The following ZNF536 variants were observed in gnomAD, a reference collection of about 807,000 sequenced individuals.
The protein encoded by ZNF536 is zinc finger protein 536.
ZNF536 carries 13 observed loss-of-function variants against 84.5 expected under a neutral mutation model. The observed-to-expected ratio is 0.15, with a 90% CI of 0.10 to 0.24. The LOEUF (loss-of-function observed/expected upper bound fraction) is 0.24, where lower values mean the gene tolerates loss of function less well. ZNF536 is among the 10% of genes least tolerant of loss of function. The probability of loss-of-function intolerance (pLI) is 1.00; values close to 1 mark genes in which losing one functional copy is unlikely to be tolerated. For synonymous variants in ZNF536, 811 were observed against 742.5 expected (o/e 1.09, Z -1.50); for missense variants, 1,536 against 1,747.5 (o/e 0.88, Z 2.16).
intron 1 of ZNF536, among the ~76,000 whole-genome samples, chr19:30,616,453 T>A (rs955031283): frequency 7.2e-5 from 11 of 152,240 alleles, no homozygotes; most frequent in African/African-American, 2.7e-4. Context: ...AAATAGTGAA[T>A]CATATTAATA....
chr19:30,508,824 T>C (rs796636812), intron 2 of ZNF536, among the ~76,000 whole-genome samples: 18 of 125,026 alleles, frequency 1.4e-4, no homozygotes, highest in East Asian at 4.3e-4. Flanking sequence ...TTCTTTCTTT[T>C]TTTTTTTTTT....
At chr19:30,629,354 C>T (rs35950993) in intron 1 of ZNF536, among the ~76,000 whole-genome samples, 5,978 of 152,130 alleles carry the variant, frequency 0.039, 156 homozygotes, top group Middle Eastern at 0.061. Flanking sequence ...CAGGTATCAC[C>T]GTGCCTTTCC....
At chr19:30,597,256 T>A (rs1440925846) in intron 1 of ZNF536, among the ~76,000 whole-genome samples, 6 of 152,190 alleles carry the variant, frequency 3.9e-5, no homozygotes, top group Non-Finnish European at 8.8e-5. Flanking sequence ...AATATATATA[T>A]ATAGGTCTAC....
At chr19:30,279,193 C>T (rs2045348254) in intron 1 of ZNF536, among the ~76,000 whole-genome samples, 1 of 152,222 alleles carries the variant, frequency 6.6e-6, no homozygotes, top group Admixed American at 6.5e-5. Context: ...TCACTTCCTC[C>T]AGCTTTATTA....
chr19:30,273,567 C>T (rs953419379), intron 1 of ZNF536, among the ~76,000 whole-genome samples: 1 of 152,142 alleles, frequency 6.6e-6, no homozygotes, highest in African/African-American at 2.4e-5. Flanking sequence ...GATCTTTTGC[C>T]CATTTTTAAA....
In ZNF536 at chr19:30,262,810, T is replaced by G. The variant is rs554763970; in HGVS notation, c.-189-21262T>G. ...CACTGCCTCCTTGTTTGTGTCCCAGTGGCAGATGGGGGCTGGTTTCCTCAA... is the reference window on the plus strand; with the variant it reads ...CACTGCCTCCTTGTTTGTGTCCCAGGGGCAGATGGGGGCTGGTTTCCTCAA... On this transcript the variant is annotated intron_variant, in intron 1 of 5. Transcript: ENST00000585628. Among the ~76,000 whole-genome samples, 4 of 152,292 alleles carry G rather than the reference T, an allele frequency of 2.6e-5. No homozygotes were observed. In the South Asian group the frequency reaches 8.3e-4, roughly 32 times the overall value.
intron 1 of ZNF536, among the ~76,000 whole-genome samples, chr19:30,655,013 G>T (rs1321037295): frequency 6.6e-6 from 1 of 152,196 alleles, no homozygotes; most frequent in African/African-American, 2.4e-5. Context: ...AGTGAGGAGT[G>T]GCCTGAGGCA....
intron 1 of ZNF536, among the ~76,000 whole-genome samples, chr19:30,570,689 A>G (rs1366023422): frequency 6.6e-6 from 1 of 152,150 alleles, no homozygotes; most frequent in Non-Finnish European, 1.5e-5. Flanking sequence ...GTATCTGTCT[A>G]TCTCTTTACT....
chr19:30,401,194 A>G (rs1474116074), intron 1 of ZNF536, among the ~76,000 whole-genome samples: 1 of 152,080 alleles, frequency 6.6e-6, no homozygotes, highest in Non-Finnish European at 1.5e-5. Flanking sequence ...GTGGGGGGCT[A>G]CTTCTGAGTT....
chr19:30,567,459 A>G (rs1568561623), intron 1 of ZNF536, among the ~76,000 whole-genome samples: 2 of 152,116 alleles, frequency 1.3e-5, no homozygotes, highest in Non-Finnish European at 1.5e-5. Context: ...CTTCCATGTC[A>G]CAGTCTGTGA....
chr19:30,616,187 A>G (rs1305438264), intron 1 of ZNF536, among the ~76,000 whole-genome samples: 1 of 152,050 alleles, frequency 6.6e-6, no homozygotes, highest in Non-Finnish European at 1.5e-5. Flanking sequence ...CTCCTTTTCC[A>G]TTGCAATGAC....
chr19:30,658,028 CT>C (rs1024670392), intron 1 of ZNF536, among the ~76,000 whole-genome samples: 16 of 102,338 alleles, frequency 1.6e-4, no homozygotes, highest in African/African-American at 5.8e-4. Flanking sequence ...TCCCCCCCCC[CT>C]TTTTTTTCCT....
intron 1 of ZNF536, among the ~76,000 whole-genome samples, chr19:30,578,678 G>C (rs1209183467): frequency 6.6e-6 from 1 of 152,282 alleles, no homozygotes; most frequent in Non-Finnish European, 1.5e-5. Context: ...TGAAATACTG[G>C]CCTCTTCAAG....
At chr19:30,329,586 T>C (rs949090896) in intron 2 of ZNF536, among the ~76,000 whole-genome samples, 8 of 152,170 alleles carry the variant, frequency 5.3e-5, no homozygotes, top group African/African-American at 9.7e-5. Flanking sequence ...ATCTAAATTA[T>C]GTTTAAAGTT....
At chr19:30,338,018 G>A (rs2047437655) in intron 2 of ZNF536, among the ~76,000 whole-genome samples, 1 of 151,434 alleles carries the variant, frequency 6.6e-6, no homozygotes, top group South Asian at 2.1e-4. Flanking sequence ...GATGATGATG[G>A]TGGTGGATTA....
intron 2 of ZNF536, among the ~76,000 whole-genome samples, chr19:30,493,362 G>T (rs571266697): frequency 6.6e-6 from 1 of 151,972 alleles, no homozygotes; most frequent in African/African-American, 2.4e-5. Context: ...CAGAGAACGA[G>T]GTAACAAGGC....
chr19:30,389,529 G>A (rs997264342), intron 1 of ZNF536, among the ~76,000 whole-genome samples: 1 of 152,074 alleles, frequency 6.6e-6, no homozygotes, highest in African/African-American at 2.4e-5. Flanking sequence ...GTACAGATAC[G>A]ACTAGTAATG....
At chr19:30,402,822 T>TATATATATATATAA (rs1331644147) in intron 1 of ZNF536, among the ~76,000 whole-genome samples, 11 of 142,554 alleles carry the variant, frequency 7.7e-5, no homozygotes, top group Admixed American at 1.4e-4. Context: ...TATATATATA[T>TATATATATATATAA]AATTTTCAAA....
chr19:30,602,183 T>C (rs8100216), intron 1 of ZNF536, among the ~76,000 whole-genome samples: 50 of 152,376 alleles, frequency 3.3e-4, no homozygotes, highest in Middle Eastern at 6.8e-3. Context: ...GGCAGGTGGA[T>C]ATTCACATCT....
Sources: gnomAD v4.1 joint callset for allele counts (sites outside exome capture counted in the v4.1 genomes callset) on GRCh38, gnomAD v4.1.1 for gene constraint, MANE v1.5 for transcripts, NCBI Gene and HGNC (gene_info 2026-07-23, HGNC 2026-07-21) for gene names.